Variants in BLTP2 observed in about 807,000 individuals in gnomAD.
BLTP2 encodes the protein U937-associated antigen.
At chr17:28,616,305 A>G in the BLTP2 span, 1 of 1,610,020 alleles carries the variant, frequency 6.2e-7, no homozygotes, top group South Asian at 1.1e-5. This position sits in a 1 kb window ranked among gnomAD's most constrained non-coding sequence, Gnocchi z 4.8. Context: ...GAGGAAACCG[A>G]AGAAATCCCA....
chr17:28,643,342 G>GGTCC, the BLTP2 span: 1 of 1,612,828 alleles, frequency 6.2e-7, no homozygotes, highest in Non-Finnish European at 8.5e-7. Flanking sequence ...ACTGCCACCA[G>GGTCC]GTCCATCCCT....
At chr17:28,619,606 C>A in the BLTP2 span, 1 of 1,610,498 alleles carries the variant, frequency 6.2e-7, no homozygotes, top group Non-Finnish European at 8.5e-7. Flanking sequence ...AAGAGAACTG[C>A]CTCTAGCTGG....
chr17:28,641,182 T>C, the BLTP2 span, among the ~76,000 whole-genome samples: 2 of 152,336 alleles, frequency 1.3e-5, no homozygotes, highest in East Asian at 1.9e-4. Context: ...GCCCTCCATA[T>C]TGGTGAGTTT....
At chr17:28,641,097 C>G in the BLTP2 span, among the ~76,000 whole-genome samples, 1 of 152,202 alleles carries the variant, frequency 6.6e-6, no homozygotes, top group African/African-American at 2.4e-5. Flanking sequence ...TCCAGGACCC[C>G]CTGCAGATAC....
At chr17:28,643,456 C>T in the BLTP2 span, 52 of 1,352,794 alleles carry the variant, frequency 3.8e-5, 1 homozygote, top group East Asian at 8.3e-4. Context: ...CAATATCTTC[C>T]TCACAACACA....
the BLTP2 span, among the ~76,000 whole-genome samples, chr17:28,617,548 A>T: frequency 6.6e-6 from 1 of 152,238 alleles, no homozygotes; most frequent in Non-Finnish European, 1.5e-5. Context: ...GACATTAAAA[A>T]ATGTTCTAAT....
chr17:28,615,968 AG>A, the BLTP2 span: 2 of 1,005,760 alleles, frequency 2.0e-6, no homozygotes, highest in African/African-American at 1.6e-5. Flanking sequence ...AGGGGAGCAG[AG>A]GGAACAGCAG....
chr17:28,640,748 C>A, the BLTP2 span: 1 of 1,520,634 alleles, frequency 6.6e-7, no homozygotes, highest in South Asian at 1.1e-5. Context: ...TCCCGAAATG[C>A]CCTGGCCTCT....
the BLTP2 span, chr17:28,637,166 A>G: frequency 6.2e-7 from 1 of 1,613,944 alleles, no homozygotes; most frequent in South Asian, 1.1e-5. Flanking sequence ...GTACCTCTGA[A>G]GCACCTAACA....
At chr17:28,620,558 A>G in the BLTP2 span, 1 of 1,614,198 alleles carries the variant, frequency 6.2e-7, no homozygotes, top group South Asian at 1.1e-5. Flanking sequence ...AATGTCCAGG[A>G]TCATGGCATA....
chr17:28,628,526 G>T, the BLTP2 span: 1 of 1,614,046 alleles, frequency 6.2e-7, no homozygotes, highest in African/African-American at 1.3e-5. Context: ...TGATGTGTAT[G>T]AAAGGTAGGA....
At chr17:28,644,535 G>A in the BLTP2 span, among the ~76,000 whole-genome samples, 2 of 152,180 alleles carry the variant, frequency 1.3e-5, no homozygotes, top group Non-Finnish European at 2.9e-5. Flanking sequence ...CTCCCCAGAG[G>A]GTCTGTCTGT....
chr17:28,633,992 G>A, the BLTP2 span: 2 of 1,614,116 alleles, frequency 1.2e-6, no homozygotes, highest in Admixed American at 1.7e-5. Flanking sequence ...GCCGACGGGA[G>A]CAAGGCTGAC....
At chr17:28,619,919 C>G in the BLTP2 span, 1 of 1,614,110 alleles carries the variant, frequency 6.2e-7, no homozygotes, top group Non-Finnish European at 8.5e-7. Flanking sequence ...TGCTGCCGCA[C>G]AGCCTCCTGC....
At chr17:28,614,949 A>G in the BLTP2 span, 4 of 951,002 alleles carry the variant, frequency 4.2e-6, no homozygotes, top group South Asian at 4.7e-5. Context: ...AGTGATGCCT[A>G]TGGGCTCTGA....
the BLTP2 span, chr17:28,634,629 A>G: frequency 6.2e-7 from 1 of 1,614,064 alleles, no homozygotes; most frequent in East Asian, 2.2e-5. Flanking sequence ...GTTCTACCAC[A>G]TGCTCAGGAC....
chr17:28,621,888 C>A, the BLTP2 span, among the ~76,000 whole-genome samples: 1 of 152,166 alleles, frequency 6.6e-6, no homozygotes, highest in African/African-American at 2.4e-5. Flanking sequence ...ACCACTCTGA[C>A]AATGTTGCCA....
the BLTP2 span, among the ~76,000 whole-genome samples, chr17:28,630,007 GCATGCCAC>G: frequency 6.6e-6 from 1 of 152,052 alleles, no homozygotes; most frequent in Non-Finnish European, 1.5e-5. Flanking sequence ...GACTACAGGT[GCATGCCAC>G]CATGCCTGGC....
At chr17:28,634,544 G>A in the BLTP2 span, 2 of 1,613,800 alleles carry the variant, frequency 1.2e-6, no homozygotes, top group Admixed American at 1.7e-5. Flanking sequence ...TTGCACTTGA[G>A]CATTCGACAC....
Sources: allele counts gnomAD v4.1 joint callset (sites outside exome capture counted in the v4.1 genomes callset), GRCh38; gene constraint gnomAD v4.1.1; non-coding constraint Gnocchi (gnomAD v3.1); transcripts MANE v1.5; gene names NCBI Gene and HGNC (gene_info 2026-07-23, HGNC 2026-07-21).